SHROOM3: variants seen among roughly 807,000 people sequenced by gnomAD.
SHROOM3 encodes protein Shroom3.
In SHROOM3, 47 loss-of-function variants were observed where a neutral mutation model predicts 138.6. The observed-to-expected ratio is 0.34, with a 90% CI of 0.27 to 0.43. The LOEUF (loss-of-function observed/expected upper bound fraction) is 0.43. Ranked by LOEUF, SHROOM3 falls within the 20% of genes least tolerant of loss-of-function variation. The probability of loss-of-function intolerance (pLI) is 1.00; values close to 1 mark genes in which losing one functional copy is unlikely to be tolerated. For missense variants in SHROOM3, 2,491 were observed against 2,596.5 expected (o/e 0.96, Z 0.88); for synonymous variants, 1,062 against 1,063.3 (o/e 1.00, Z 0.02).
intron 1 of SHROOM3, among the ~76,000 whole-genome samples, chr4:76,555,075 GT>G (rs1452496409): frequency 6.6e-6 from 1 of 151,704 alleles, no homozygotes. Context: ...CTGATTCTAT[GT>G]TATGCTGAGT....
At chr4:76,519,969 A>T (rs1391834310) in intron 1 of SHROOM3, among the ~76,000 whole-genome samples, 1 of 152,108 alleles carries the variant, frequency 6.6e-6, no homozygotes, top group Non-Finnish European at 1.5e-5. Flanking sequence ...TTGATGCTTT[A>T]ATGGATGTAT....
At chr4:76,438,266 A>G (rs1436191552) in intron 1 of SHROOM3, among the ~76,000 whole-genome samples, 1 of 152,146 alleles carries the variant, frequency 6.6e-6, no homozygotes, top group Non-Finnish European at 1.5e-5. Flanking sequence ...TCCTGGAGTG[A>G]TATCTCATCT....
intron 2 of SHROOM3, among the ~76,000 whole-genome samples, chr4:76,652,832 TATATA>T (rs1560580845): frequency 1.3e-5 from 2 of 152,140 alleles, no homozygotes; most frequent in East Asian, 3.9e-4. Flanking sequence ...TACACACACA[TATATA>T]AAACATATAA....
At chr4:76,776,187 T>C (rs1159290424) in intron 10 of SHROOM3, among the ~76,000 whole-genome samples, 1 of 152,190 alleles carries the variant, frequency 6.6e-6, no homozygotes, top group Non-Finnish European at 1.5e-5. Context: ...GGTATTGCAT[T>C]GTGGTTTTGA....
intron 2 of SHROOM3, among the ~76,000 whole-genome samples, chr4:76,599,079 C>T (rs374130958): frequency 1.3e-5 from 2 of 151,926 alleles, no homozygotes; most frequent in Non-Finnish European, 2.9e-5. Flanking sequence ...GGGTGCAAGG[C>T]GAGGAGGATG....
intron 2 of SHROOM3, chr4:76,587,066 A>G (rs1442382682): frequency 6.6e-6 from 1 of 152,202 alleles, no homozygotes; most frequent in Non-Finnish European, 1.5e-5. Context: ...TTATAAATGC[A>G]AGCACCTACA....
intron 1 of SHROOM3, among the ~76,000 whole-genome samples, chr4:76,534,702 C>T (rs1218387716): frequency 6.6e-6 from 1 of 152,156 alleles, no homozygotes; most frequent in Non-Finnish European, 1.5e-5. Flanking sequence ...TCATCATGAT[C>T]ACAAGAGAAA....
chr4:76,750,130 G>A (rs1044261194), intron 6 of SHROOM3, among the ~76,000 whole-genome samples: 3 of 152,110 alleles, frequency 2.0e-5, no homozygotes, highest in African/African-American at 7.2e-5. Context: ...ATATGCTCTT[G>A]CTCCTATAGC....
At chr4:76,761,790 G>A (rs907212639) in intron 9 of SHROOM3, among the ~76,000 whole-genome samples, 5 of 152,190 alleles carry the variant, frequency 3.3e-5, no homozygotes, top group African/African-American at 1.2e-4. Context: ...CCTTTTGGGG[G>A]AGTCACGGGC....
At chr4:76,515,326 C>T (rs1412885037) in intron 1 of SHROOM3, among the ~76,000 whole-genome samples, 1 of 150,522 alleles carries the variant, frequency 6.6e-6, no homozygotes, top group Admixed American at 6.6e-5. Flanking sequence ...GTTGAGGCTA[C>T]AGTGAGCCAA....
intron 2 of SHROOM3, among the ~76,000 whole-genome samples, chr4:76,556,570 A>G (rs1385947534): frequency 6.6e-6 from 1 of 152,226 alleles, no homozygotes; most frequent in Admixed American, 6.5e-5. Flanking sequence ...CTTGAGCATC[A>G]TTATCTTGAC....
chr4:76,728,668 G>A (rs560553931), intron 3 of SHROOM3, among the ~76,000 whole-genome samples: 40 of 152,346 alleles, frequency 2.6e-4, no homozygotes, highest in African/African-American at 9.4e-4. Context: ...CTTAGCCCAA[G>A]CTGTGCACCT....
chr4:76,565,939 C>T (rs1215080500), intron 2 of SHROOM3, among the ~76,000 whole-genome samples: 2 of 151,850 alleles, frequency 1.3e-5, no homozygotes, highest in African/African-American at 4.8e-5. Flanking sequence ...GGCAACATTG[C>T]AAGACCCTGT....
chr4:76,748,118 G>A (rs551579765), intron 5 of SHROOM3, among the ~76,000 whole-genome samples: 28 of 152,246 alleles, frequency 1.8e-4, no homozygotes, highest in African/African-American at 6.3e-4. Context: ...ATGTTCAGGG[G>A]TTTGTTTCTT....
intron 4 of SHROOM3, among the ~76,000 whole-genome samples, chr4:76,731,357 G>A (rs1406977002): frequency 6.6e-6 from 1 of 152,106 alleles, no homozygotes; most frequent in Non-Finnish European, 1.5e-5. Context: ...AAGGTAATTT[G>A]TCCATCTTAG....
At chr4:76,693,370 G>GTTTGTTTTTT (rs1719614600) in intron 2 of SHROOM3, among the ~76,000 whole-genome samples, 2 of 79,812 alleles carry the variant, frequency 2.5e-5, no homozygotes, top group African/African-American at 1.0e-4. Flanking sequence ...TGATAAGTTT[G>GTTTGTTTTTT]TTTTTTTTTT....
At chr4:76,447,291 C>T (rs143956863) in intron 1 of SHROOM3, among the ~76,000 whole-genome samples, 11 of 152,320 alleles carry the variant, frequency 7.2e-5, no homozygotes, top group African/African-American at 2.6e-4. Flanking sequence ...CTGAGCCACA[C>T]ATTTGCTAGA....
In SHROOM3 at chr4:76,733,479, C is replaced by T. The variant is rs542788784; in HGVS notation, c.587+2544C>T. On this transcript the variant is annotated intron_variant, in intron 4 of 10. Transcript: ENST00000296043. ...AAAGTTCAAATAACTCAAAATGTTACAGGCGTGTGCATTCTCTCCTGCTGC... is the reference window on the plus strand; with the variant it reads ...AAAGTTCAAATAACTCAAAATGTTATAGGCGTGTGCATTCTCTCCTGCTGC... Among the ~76,000 whole-genome samples, 3 of 152,356 alleles carry T rather than the reference C, an allele frequency of 2.0e-5. No individual in the cohort carries two copies. The South Asian group carries it at 6.2e-4, about 32-fold the overall frequency.
chr4:76,739,855 C>T lies in SHROOM3; in HGVS notation c.1682C>T (p.Ser561Leu). 1 of 1,614,204 alleles carries T rather than the reference C, an allele frequency of 6.2e-7. No individual in the cohort carries two copies. The highest frequency in any genetic ancestry group is 8.5e-7 in the Non-Finnish European group (1 of 1,180,048). Residue 561 changes from serine to leucine, a missense_variant, in exon 5 of 11, where the codon TCA (serine) becomes TTA (leucine). By Grantham distance (145) the Ser-to-Leu change is moderately radical. This residue lies in a region of SHROOM3 where 1,733 missense variants were observed against 1,661.6 expected (regional missense o/e 1.04). Coordinates refer to ENST00000296043, the MANE Select transcript of SHROOM3 (RefSeq NM_020859.4). ...KYVPSKVHFC[S>L]VPENEEDASL... ...GTCCCCTCCAAAGTCCATTTCTGTT[C>T]AGTGCCTGAAAATGAGGAGGATGCC...
Sources: gnomAD v4.1 joint callset for allele counts (sites outside exome capture counted in the v4.1 genomes callset) on GRCh38, gnomAD v4.1.1 for gene constraint, gnomAD v4.1.1 regional missense constraint, MANE v1.5 for transcripts, NCBI Gene and HGNC (gene_info 2026-07-23, HGNC 2026-07-21) for gene names.